The following ADGRG4 variants were observed in gnomAD, a reference collection of about 807,000 sequenced individuals.
The protein encoded by ADGRG4 is G protein-coupled receptor 112.
In ADGRG4, 122 loss-of-function variants were observed where a neutral mutation model predicts 126.2. That is an observed-to-expected ratio of 0.97 (90% CI 0.83 to 1.12). ADGRG4 has a LOEUF of 1.12. Among genes scored for constraint, ADGRG4 ranks in the 50% most tolerant of loss-of-function variants. ADGRG4 has a pLI of 0.00. For missense variants in ADGRG4, 2,481 were observed against 2,251.8 expected, an observed-to-expected ratio of 1.10 and a Z score of -2.06; for synonymous variants, 943 against 838.7, an observed-to-expected ratio of 1.12 and a Z score of -2.15.
intron 5 of ADGRG4, among the ~76,000 whole-genome samples, chrX:136,330,641 C>T (rs1027075531): frequency 1.8e-5 from 2 of 110,774 alleles, no homozygotes; most frequent in Non-Finnish European, 3.8e-5. Context: ...GGGAAAAATG[C>T]CTTGGCTTGG....
intron 15 of ADGRG4, among the ~76,000 whole-genome samples, chrX:136,382,882 C>G (rs2075271169): frequency 9.1e-6 from 1 of 110,212 alleles, no homozygotes; most frequent in African/African-American, 3.3e-5. Context: ...CAGCGTTCCT[C>G]CCTCTGGAAC....
Position 136,345,046 on chromosome X carries a change from C to T in ADGRG4, c.1340C>T (p.Pro447Leu), listed in dbSNP as rs761487047. 7.4e-6 allele frequency: 9 copies of T among 1,210,677 alleles called. No homozygotes were observed. The East Asian group carries it at 2.7e-4, about 36-fold the overall frequency. ...GAATCTACAGCTGCCGGAACTGTAC[C>T]TTGGTTTACAGTGGAAAAGACTTCA... ...FIESTAAGTV[P>L]WFTVEKTSPA... Residue 447 changes from proline (P) to leucine (L), a missense_variant, in exon 6 of 26, where the codon CCT becomes CTT. Pro to Leu is a moderately conservative substitution (Grantham distance 98, BLOSUM62 -3). Coordinates refer to ENST00000394143, the MANE Select transcript of ADGRG4 (RefSeq NM_153834.4).
chrX:136,356,081 T>C (rs1159447126), intron 8 of ADGRG4, 45 bp from the exon 9 acceptor site: 2 of 1,002,943 alleles, frequency 2.0e-6, no homozygotes. Flanking sequence ...GTATACTTGG[T>C]ACTATATTTC....
chrX:136,341,540 G>A (rs2074979238), intron 5 of ADGRG4, among the ~76,000 whole-genome samples: 1 of 112,206 alleles, frequency 8.9e-6, no homozygotes, highest in Admixed American at 9.4e-5. Flanking sequence ...CTCCTTTCAC[G>A]TGGAGTTATG....
chrX:136,384,076 T>A (rs773774606), intron 15 of ADGRG4, among the ~76,000 whole-genome samples: 1 of 108,800 alleles, frequency 9.2e-6, no homozygotes, highest in Non-Finnish European at 1.9e-5. Flanking sequence ...TTTATTTATT[T>A]ATTTTTTTAT....
intron 24 of ADGRG4, among the ~76,000 whole-genome samples, 153 bp from the exon 25 acceptor site, chrX:136,414,007 C>T (rs1009956843): frequency 1.8e-5 from 2 of 112,207 alleles, no homozygotes; most frequent in Non-Finnish European, 3.8e-5. Context: ...TCCCAAAGTG[C>T]TGGAATTACA....
chrX:136,342,655 T>C (rs1186926676), intron 5 of ADGRG4, among the ~76,000 whole-genome samples: 1 of 109,584 alleles, frequency 9.1e-6, no homozygotes, highest in Non-Finnish European at 1.9e-5. Flanking sequence ...GGAAGTACAT[T>C]CTAAGTAGAG....
At chrX:136,411,234 G>A (rs953987595) in intron 23 of ADGRG4, among the ~76,000 whole-genome samples, 5 of 112,275 alleles carry the variant, frequency 4.5e-5, no homozygotes, top group Non-Finnish European at 9.4e-5. Context: ...ATTTTTAATA[G>A]AGATGGGGTT....
chrX:136,336,507 T>G (rs187910167), intron 5 of ADGRG4, among the ~76,000 whole-genome samples: 15 of 111,786 alleles, frequency 1.3e-4, no homozygotes, highest in African/African-American at 4.5e-4. Flanking sequence ...TTTTGCTTCA[T>G]GTATTTTGAG....
intron 16 of ADGRG4, among the ~76,000 whole-genome samples, chrX:136,390,369 A>C (rs747135976): frequency 2.3e-4 from 26 of 111,376 alleles, no homozygotes; most frequent in African/African-American, 8.2e-4. Context: ...ATTGTTGATA[A>C]GGCACCACTC....
Position 136,363,368 on chromosome X carries a change from A to G in ADGRG4, c.7278-109A>G, listed in dbSNP as rs748623191. ...TCCCACCTTTGCTTTCTATGCCAGG[A>G]GGCTTGGGGCAGGCGAGGAGAAGGC... On this transcript the variant is annotated intron_variant, in intron 12 of 25. Coordinates refer to ENST00000394143, the MANE Select transcript of ADGRG4 (RefSeq NM_153834.4). 5.4e-6 allele frequency: 3 copies of G among 560,503 alleles called. No individual in the cohort carries two copies. The South Asian group carries it at 8.2e-5, about 15-fold the overall frequency. 46.2% of individuals were successfully genotyped at this position (560,503 alleles called of 1,213,427 possible).
At chrX:136,301,960 C>T (rs907215760) in intron 1 of ADGRG4, among the ~76,000 whole-genome samples, 1 of 111,966 alleles carries the variant, frequency 8.9e-6, no homozygotes. Context: ...TTGGTACCAG[C>T]ACCATGCTGT....
chrX:136,332,930 A>G (rs1216557369), intron 5 of ADGRG4, among the ~76,000 whole-genome samples: 1 of 111,355 alleles, frequency 9.0e-6, no homozygotes, highest in Non-Finnish European at 1.9e-5. Context: ...AGTAGGTTGC[A>G]AAAATTTTCT....
chrX:136,361,594 AC>A lies in ADGRG4; in HGVS notation c.7277+8del. Reference sequence around the variant, plus strand: ...GAAATGCCACAAGATTCTGGTATGTACAGGCCAAGTTCTAATTGCTGATTCA... The same window carrying A: ...GAAATGCCACAAGATTCTGGTATGTAAGGCCAAGTTCTAATTGCTGATTCA... On this transcript the variant is annotated splice_region_variant and intron_variant, in intron 12 of 25. Transcript: ENST00000394143. 4 of 1,139,115 alleles carry A rather than the reference AC, an allele frequency of 3.5e-6. No homozygotes were observed. The highest frequency in any genetic ancestry group is 4.9e-4 in the Middle Eastern group (2 of 4,057). 93.9% of individuals were successfully genotyped at this position (1,139,115 alleles called of 1,213,427 possible).
chrX:136,319,143 C>T (rs2074822901), intron 4 of ADGRG4, among the ~76,000 whole-genome samples: 1 of 112,545 alleles, frequency 8.9e-6, no homozygotes, highest in Non-Finnish European at 1.9e-5. Flanking sequence ...GAGAACGCTA[C>T]TTGCCTGGCC....
intron 15 of ADGRG4, among the ~76,000 whole-genome samples, chrX:136,381,699 T>TAC (rs779999953): frequency 1.2e-3 from 131 of 110,214 alleles, no homozygotes; most frequent in African/African-American, 3.4e-3. Context: ...TGTATATAAA[T>TAC]ACACACACAC....
In ADGRG4 at chrX:136,327,220, A is replaced by T. The variant is rs749038115; in HGVS notation, c.685+3828A>T. Among the ~76,000 whole-genome samples the T allele has an allele frequency of 2.1e-4, 23 of 110,630 alleles. No individual in the cohort carries two copies. The South Asian group carries it at 8.3e-3, about 40-fold the overall frequency. ...TCTTCACAGAGGTGTCTGTTAAAAA[A>T]TTTTTTCCATGGGTTTGTAATAAGT... On this transcript the variant is annotated intron_variant, in intron 5 of 25. Transcript: ENST00000394143.
At chrX:136,318,177 G>T (rs767268551) in intron 4 of ADGRG4, among the ~76,000 whole-genome samples, 1 of 112,435 alleles carries the variant, frequency 8.9e-6, no homozygotes, top group Non-Finnish European at 1.9e-5. Context: ...AACAGAATGT[G>T]ATACATCCAT....
At chrX:136,367,859 A>T (rs1269567171) in intron 13 of ADGRG4, among the ~76,000 whole-genome samples, 1 of 112,596 alleles carries the variant, frequency 8.9e-6, no homozygotes, top group Non-Finnish European at 1.9e-5. Flanking sequence ...TAACTCTTTA[A>T]TATCACAGAG....
Sources: gnomAD v4.1 joint callset for allele counts (sites outside exome capture counted in the v4.1 genomes callset) on GRCh38, gnomAD v4.1.1 for gene constraint, MANE v1.5 for transcripts, NCBI Gene and HGNC (gene_info 2026-07-23, HGNC 2026-07-21) for gene names.